The following GYPC variants were observed in gnomAD, a reference collection of about 807,000 sequenced individuals.
GYPC encodes the protein glycophorin C (Gerbich blood group).
A neutral mutation model predicts 12.6 loss-of-function variants in GYPC; 14 were observed. That is an observed-to-expected ratio of 1.11 (90% CI 0.74 to 1.74). The LOEUF is 1.74. GYPC is among the 40% of genes most tolerant of loss of function. The probability of loss-of-function intolerance (pLI) is 0.00; values close to 1 mark genes in which losing one functional copy is unlikely to be tolerated. For synonymous variants in GYPC, 78 were observed against 62.1 expected (o/e 1.26, Z -1.20); for missense variants, 225 against 172.1 (o/e 1.31, Z -1.72).
At chr2:126,692,238 T>A (rs1429473926) in intron 2 of GYPC, among the ~76,000 whole-genome samples, 1 of 152,006 alleles carries the variant, frequency 6.6e-6, no homozygotes, top group Non-Finnish European at 1.5e-5. Flanking sequence ...GTTCACTGGG[T>A]CCCTGGGCTG....
At chr2:126,679,187 T>G (rs902792029) in intron 1 of GYPC, among the ~76,000 whole-genome samples, 1 of 152,190 alleles carries the variant, frequency 6.6e-6, no homozygotes, top group African/African-American at 2.4e-5. Flanking sequence ...GGCACCCAAA[T>G]GTGACACCAA....
intron 1 of GYPC, chr2:126,685,822 T>C (rs1017933243): frequency 1.0e-6 from 1 of 985,164 alleles, no homozygotes; most frequent in Non-Finnish European, 1.2e-6. Context: ...AGGTTTGTCA[T>C]TGCAGGAAGT....
At chr2:126,671,699 T>C (rs567948569) in intron 1 of GYPC, among the ~76,000 whole-genome samples, 2 of 152,316 alleles carry the variant, frequency 1.3e-5, no homozygotes, top group South Asian at 4.1e-4. Context: ...ACCAGCTGTG[T>C]GTCAGGCCCA....
intron 1 of GYPC, chr2:126,658,239 C>T (rs944713575): frequency 6.6e-5 from 10 of 152,310 alleles, no homozygotes; most frequent in African/African-American, 2.2e-4. Flanking sequence ...CTCAATTCCT[C>T]CAGATGTCAC....
At chr2:126,693,054 G>A (rs1364204438) in intron 2 of GYPC, among the ~76,000 whole-genome samples, 6 of 152,206 alleles carry the variant, frequency 3.9e-5, no homozygotes, top group African/African-American at 1.4e-4. Context: ...TTTGGATGTG[G>A]TTTGACCCTG....
chr2:126,671,031 C>T (rs1183878012), intron 1 of GYPC, among the ~76,000 whole-genome samples: 2 of 152,142 alleles, frequency 1.3e-5, no homozygotes, highest in Non-Finnish European at 2.9e-5. Flanking sequence ...CCCACCTGAC[C>T]CCATTGCACC....
chr2:126,671,335 G>A (rs759789586), intron 1 of GYPC, among the ~76,000 whole-genome samples: 1 of 152,238 alleles, frequency 6.6e-6, no homozygotes, highest in Non-Finnish European at 1.5e-5. Flanking sequence ...CAGAGCAGGT[G>A]CAAGCATGCG....
intron 1 of GYPC, among the ~76,000 whole-genome samples, chr2:126,671,478 T>C (rs1418225108): frequency 6.6e-6 from 1 of 152,216 alleles, no homozygotes; most frequent in Admixed American, 6.5e-5. Context: ...AGCTGTGCAC[T>C]TGCATGCTTC....
At chr2:126,684,093 G>A (rs561733699) in intron 1 of GYPC, among the ~76,000 whole-genome samples, 2 of 152,334 alleles carry the variant, frequency 1.3e-5, no homozygotes, top group South Asian at 4.1e-4. Context: ...CTTATAGAGT[G>A]TCAAAGCAGT....
At chr2:126,663,049 T>A (rs1403451028) in intron 1 of GYPC, among the ~76,000 whole-genome samples, 1 of 152,094 alleles carries the variant, frequency 6.6e-6, no homozygotes, top group Admixed American at 6.5e-5. Context: ...TGTTTTTGTT[T>A]TTCTTTTGAG....
chr2:126,670,166 G>T (rs150434255), intron 1 of GYPC, among the ~76,000 whole-genome samples: 5 of 152,214 alleles, frequency 3.3e-5, no homozygotes, highest in African/African-American at 7.2e-5. Context: ...TTCTGAGACC[G>T]CAGCTCCCAC....
rs554846455 is a variant in GYPC, at chr2:126,688,273, G to A, written c.50-1982G>A. Among the ~76,000 whole-genome samples, 14 of 152,272 alleles carry A rather than the reference G, an allele frequency of 9.2e-5. No homozygotes were observed. In the East Asian group the frequency reaches 2.5e-3, roughly 27 times the overall value. On this transcript the variant is annotated intron_variant, in intron 1 of 3. Coordinates refer to ENST00000259254, the MANE Select transcript of GYPC (RefSeq NM_002101.5). ...GGAAAATTTCTAAGGGCAGTTCTGG[G>A]TATTTGAGCTTCTATAACCATCCAT...
At chr2:126,658,187 G>A (rs528199003) in intron 1 of GYPC, 3 of 152,320 alleles carry the variant, frequency 2.0e-5, no homozygotes, top group South Asian at 2.1e-4. Flanking sequence ...CAGAAGCAGA[G>A]GATTGCATTA....
At chr2:126,680,708 G>A (rs1216647016) in intron 1 of GYPC, among the ~76,000 whole-genome samples, 2 of 152,212 alleles carry the variant, frequency 1.3e-5, no homozygotes, top group East Asian at 1.9e-4. Context: ...GGGAAAGGGT[G>A]AAAGGAGCAG....
intron 1 of GYPC, among the ~76,000 whole-genome samples, chr2:126,677,487 G>C (rs1683030902): frequency 1.3e-5 from 1 of 74,150 alleles, no homozygotes; most frequent in South Asian, 4.1e-4. Context: ...GCACGTGTGA[G>C]TCTGAGTGTG....
chr2:126,695,117 G>A (rs1683602577), intron 3 of GYPC, among the ~76,000 whole-genome samples: 1 of 152,210 alleles, frequency 6.6e-6, no homozygotes, highest in Non-Finnish European at 1.5e-5. Flanking sequence ...AGGGTGAGGA[G>A]CAGCCATCAG....
At chr2:126,689,843 C>A (rs1683401811) in intron 1 of GYPC, among the ~76,000 whole-genome samples, 1 of 152,166 alleles carries the variant, frequency 6.6e-6, no homozygotes, top group South Asian at 2.1e-4. Flanking sequence ...TCAGCTATAG[C>A]AACTCAAATT....
chr2:126,681,791 A>AAAG (rs1553468751), intron 1 of GYPC, among the ~76,000 whole-genome samples: 1,916 of 109,812 alleles, frequency 0.017, 27 homozygotes, highest in African/African-American at 0.04. Context: ...AAAAAAAAAA[A>AAAG]AAAGAAAGAA....
chr2:126,693,193 G>GGGAT (rs1166267161), intron 2 of GYPC, among the ~76,000 whole-genome samples: 7 of 152,252 alleles, frequency 4.6e-5, no homozygotes, highest in African/African-American at 1.4e-4. Flanking sequence ...GAGGGAGGGA[G>GGGAT]TTCTAGCTGT....
Sources: gnomAD v4.1 joint callset for allele counts (sites outside exome capture counted in the v4.1 genomes callset) on GRCh38, gnomAD v4.1.1 for gene constraint, MANE v1.5 for transcripts, NCBI Gene and HGNC (gene_info 2026-07-23, HGNC 2026-07-21) for gene names.